The following MAL2 variants were observed in gnomAD, a reference collection of about 807,000 sequenced individuals.
MAL2 encodes mal, T cell differentiation protein 2, also known as protein MAL2.
A neutral mutation model predicts 18.1 loss-of-function variants in MAL2; 17 were observed. That is an observed-to-expected ratio of 0.94 (90% CI 0.64 to 1.41). The LOEUF is 1.41. Ranked by LOEUF, MAL2 falls within the 40% of genes most tolerant of loss-of-function variation. The probability of loss-of-function intolerance (pLI) is 0.00; values close to 1 mark genes in which losing one functional copy is unlikely to be tolerated. For missense variants in MAL2, 222 were observed against 231.9 expected, an observed-to-expected ratio of 0.96 and a Z score of 0.28; for synonymous variants, 102 against 102.3, an observed-to-expected ratio of 1.00 and a Z score of 0.02.
rs1817217548 is a variant in MAL2 at position 119,208,434 on chromosome 8, G to GGCGGCGGCGCGCGGAGACGCAGCA, written c.-33_-10dup. Reference sequence around the variant, plus strand: ...AGCCCGGGAGGCGGAGGCGGGAGGCGGCGGCGGCGCGCGGAGACGCAGCAG... The same window carrying GGCGGCGGCGCGCGGAGACGCAGCA: ...AGCCCGGGAGGCGGAGGCGGGAGGCGGCGGCGGCGCGCGGAGACGCAGCAGCGGCGGCGCGCGGAGACGCAGCAG... On this transcript the variant is annotated 5_prime_UTR_variant, in exon 1 of 4. Coordinates refer to ENST00000614891, the MANE Select transcript of MAL2 (RefSeq NM_052886.3). The surrounding 1 kb of genome is among the most constrained non-coding windows in gnomAD (Gnocchi z 4.3). 8.9e-7 allele frequency: 1 copy of GGCGGCGGCGCGCGGAGACGCAGCA among 1,123,094 alleles called. No individual in the cohort carries two copies. Among genetic ancestry groups the GGCGGCGGCGCGCGGAGACGCAGCA allele is most frequent in the African/African-American group, 1.7e-5 (1 of 60,428 alleles). The allele number at this position is 1,123,094 out of a possible 1,614,324, so 69.6% of individuals were successfully genotyped here. A position where few individuals can be genotyped will look rare whatever the true frequency, so the allele number is the denominator to read the frequency against.
At chr8:119,233,254 T>C (rs1817774991) in intron 2 of MAL2, among the ~76,000 whole-genome samples, 1 of 151,856 alleles carries the variant, frequency 6.6e-6, no homozygotes, top group Non-Finnish European at 1.5e-5. Flanking sequence ...AACATCACAA[T>C]TAAAAGAACT....
At chr8:119,223,550 T>G (rs969421643) in intron 2 of MAL2, among the ~76,000 whole-genome samples, 1 of 152,236 alleles carries the variant, frequency 6.6e-6, no homozygotes, top group African/African-American at 2.4e-5. Flanking sequence ...TGTGCTACTC[T>G]ATGAAAGTGA....
intron 2 of MAL2, among the ~76,000 whole-genome samples, chr8:119,239,444 C>T (rs1160363224): frequency 6.6e-6 from 1 of 152,004 alleles, no homozygotes; most frequent in Non-Finnish European, 1.5e-5. Flanking sequence ...GACTACAGAT[C>T]ATGCTGCTAT....
At chr8:119,233,460 A>C (rs1168760717) in intron 2 of MAL2, among the ~76,000 whole-genome samples, 3 of 152,188 alleles carry the variant, frequency 2.0e-5, no homozygotes, top group Non-Finnish European at 4.4e-5. Flanking sequence ...AGAGAGAAGA[A>C]TCAAATAGAC....
In MAL2 at chr8:119,243,536, T is replaced by C. The variant is rs1241558911; in HGVS notation, c.*48T>C. 3.4e-6 allele frequency: 5 copies of C among 1,489,122 alleles called. No homozygotes were observed. In the Admixed American group the frequency reaches 6.6e-5, roughly 20 times the overall value. The allele number at this position is 1,489,122 out of a possible 1,614,324, so 92.2% of individuals were successfully genotyped here. A position where few individuals can be genotyped will look rare whatever the true frequency, so the allele number is the denominator to read the frequency against. ...GTATGTTAGTTTCACTTGTCTACTTTATATGTCTGATCAATTTGGATACCA... is the reference window on the plus strand; with the variant it reads ...GTATGTTAGTTTCACTTGTCTACTTCATATGTCTGATCAATTTGGATACCA... On this transcript the variant is annotated 3_prime_UTR_variant, in exon 4 of 4. Coordinates refer to ENST00000614891, the MANE Select transcript of MAL2 (RefSeq NM_052886.3).
At position 119,238,331 on chromosome 8, in the gene MAL2, C is replaced by T. The variant is rs574980383; in HGVS notation, c.304-1834C>T. Among the ~76,000 whole-genome samples the T allele has an allele frequency of 6.4e-3, 972 of 152,210 alleles. 11 individuals are homozygous for T. The highest frequency in any genetic ancestry group is 0.022 in the African/African-American group (914 of 41,496). On this transcript the variant is annotated intron_variant, in intron 2 of 3. Transcript: ENST00000614891. ...GCTCATGGGTAGGAAGAACCAATAT[C>T]ATGAAAATGGCCATACTGCCCAAGG...
intron 3 of MAL2, among the ~76,000 whole-genome samples, chr8:119,242,966 T>C (rs1303338100): frequency 6.6e-6 from 1 of 152,208 alleles, no homozygotes; most frequent in Non-Finnish European, 1.5e-5. Context: ...TTTCCACTTG[T>C]CTTAGTTGAG....
chr8:119,235,007 C>G (rs1817846092), intron 2 of MAL2, among the ~76,000 whole-genome samples: 1 of 151,894 alleles, frequency 6.6e-6, no homozygotes, highest in Non-Finnish European at 1.5e-5. Flanking sequence ...GATCAAATTA[C>G]TCTGAGCTAC....
In MAL2 at chr8:119,232,262, T is replaced by C. The variant is rs536607924; in HGVS notation, c.304-7903T>C. On this transcript the variant is annotated intron_variant, in intron 2 of 3. Coordinates refer to ENST00000614891, the MANE Select transcript of MAL2 (RefSeq NM_052886.3). Reference sequence around the variant, plus strand: ...TTTGAAAACTAAAGAAACTGGACTTTGGGACTAGACACACTACATGTTTTT... The same window carrying C: ...TTTGAAAACTAAAGAAACTGGACTTCGGGACTAGACACACTACATGTTTTT... Among the ~76,000 whole-genome samples the C allele has an allele frequency of 3.3e-5, 5 of 152,262 alleles. No homozygotes were observed. In the South Asian group the frequency reaches 1.0e-3, roughly 32 times the overall value.
chr8:119,237,997 T>G (rs1007993291), intron 2 of MAL2, among the ~76,000 whole-genome samples: 1 of 152,216 alleles, frequency 6.6e-6, no homozygotes, highest in Non-Finnish European at 1.5e-5. Flanking sequence ...AGTCATATTG[T>G]CCCTGTTTGC....
chr8:119,237,911 T>A (rs1274207278), intron 2 of MAL2, among the ~76,000 whole-genome samples: 1 of 152,170 alleles, frequency 6.6e-6, no homozygotes, highest in Non-Finnish European at 1.5e-5. Flanking sequence ...CCATTCCTAT[T>A]CAACATAGTG....
chr8:119,231,284 G>A (rs1414180744), intron 2 of MAL2, among the ~76,000 whole-genome samples: 2 of 152,152 alleles, frequency 1.3e-5, no homozygotes, highest in African/African-American at 2.4e-5. Flanking sequence ...CGCCCGCCTT[G>A]ACCTCCCAAA....
At chr8:119,212,668 G>A (rs977755806) in intron 1 of MAL2, among the ~76,000 whole-genome samples, 5 of 152,312 alleles carry the variant, frequency 3.3e-5, no homozygotes, top group African/African-American at 1.2e-4. Context: ...CAGCTTTAAT[G>A]AGGTGGGGAC....
intron 2 of MAL2, among the ~76,000 whole-genome samples, chr8:119,227,756 C>T (rs769278954): frequency 1.3e-5 from 2 of 152,196 alleles, no homozygotes; most frequent in Non-Finnish European, 2.9e-5. Context: ...TTCCCATGTG[C>T]CTTTCTTCCT....
rs1818096357 is a variant in MAL2 at position 119,243,710 on chromosome 8, C to T, written c.*222C>T. ...TTTATTTTACATCTCTCCCCTTTTT[C>T]CCTTTCCCCCTTTATTTTCCTCCTT... On this transcript the variant is annotated 3_prime_UTR_variant, in exon 4 of 4. Transcript: ENST00000614891. 5 of 373,326 alleles carry T rather than the reference C, an allele frequency of 1.3e-5. No homozygotes were observed. Among genetic ancestry groups the T allele is most frequent in the Non-Finnish European group, 2.4e-5 (5 of 210,224 alleles). 23.1% of individuals were successfully genotyped at this position (373,326 alleles called of 1,614,324 possible).
chr8:119,241,947 TC>T (rs1818055997), intron 3 of MAL2, among the ~76,000 whole-genome samples: 1 of 152,114 alleles, frequency 6.6e-6, no homozygotes, highest in African/African-American at 2.4e-5. Context: ...ACCCATATCA[TC>T]CCTGAGGATG....
intron 2 of MAL2, among the ~76,000 whole-genome samples, chr8:119,232,563 T>C (rs986337195): frequency 3.3e-5 from 5 of 152,202 alleles, no homozygotes; most frequent in Non-Finnish European, 7.4e-5. Context: ...CGAGTTCTTA[T>C]ACTTTTGGTG....
chr8:119,226,055 A>G (rs1323869271), intron 2 of MAL2, among the ~76,000 whole-genome samples: 2 of 152,008 alleles, frequency 1.3e-5, no homozygotes, highest in South Asian at 2.1e-4. Flanking sequence ...ATTTTCTCCC[A>G]TTCTGTAAAA....
At chr8:119,209,615 TC>T (rs1817240269) in intron 1 of MAL2, among the ~76,000 whole-genome samples, 2 of 152,198 alleles carry the variant, frequency 1.3e-5, no homozygotes, top group Non-Finnish European at 2.9e-5. Flanking sequence ...TTTTCATCTC[TC>T]CCCTCACCCT....
Sources: allele counts gnomAD v4.1 joint callset (sites outside exome capture counted in the v4.1 genomes callset), GRCh38; gene constraint gnomAD v4.1.1; non-coding constraint Gnocchi (gnomAD v3.1); transcripts MANE v1.5; gene names NCBI Gene and HGNC (gene_info 2026-07-23, HGNC 2026-07-21).